Variants in CNTN4 observed in about 807,000 individuals in gnomAD.
CNTN4 encodes the protein contactin-4.
A neutral mutation model predicts 122.5 loss-of-function variants in CNTN4; 77 were observed. That is an observed-to-expected ratio of 0.63 (90% CI 0.52 to 0.76). The LOEUF (loss-of-function observed/expected upper bound fraction) is 0.76, where lower values mean the gene tolerates loss of function less well. CNTN4 is among the 30% of genes least tolerant of loss of function. The pLI, the probability that CNTN4 is intolerant of heterozygous loss-of-function variation, is 0.00. For missense variants in CNTN4, 1,256 were observed against 1,259.1 expected (o/e 1.00, Z 0.04); for synonymous variants, 512 against 447.0 (o/e 1.15, Z -1.83).
chr3:2,483,807 C>CT (rs553088473), intron 3 of CNTN4, among the ~76,000 whole-genome samples: 1 of 152,110 alleles, frequency 6.6e-6, no homozygotes, highest in Admixed American at 6.5e-5. Flanking sequence ...GTCAATTAAA[C>CT]TTTTTTTCTT....
chr3:3,047,228 A>C (rs993893758), intron 23 of CNTN4, among the ~76,000 whole-genome samples: 2 of 152,056 alleles, frequency 1.3e-5, no homozygotes, highest in Admixed American at 1.3e-4. Context: ...CGAGACAGAA[A>C]GTTAACAAGG....
chr3:2,332,074 G>C (rs914547237), intron 2 of CNTN4, among the ~76,000 whole-genome samples: 4 of 152,156 alleles, frequency 2.6e-5, no homozygotes, highest in African/African-American at 9.7e-5. Context: ...CCCCTTTAGA[G>C]TCGATAGGGG....
intron 7 of CNTN4, among the ~76,000 whole-genome samples, chr3:2,846,894 G>A (rs915606625): frequency 2.0e-5 from 3 of 152,162 alleles, no homozygotes; most frequent in Admixed American, 2.0e-4. Context: ...TACTCAGGAA[G>A]GCTGAGGCAG....
intron 2 of CNTN4, among the ~76,000 whole-genome samples, chr3:2,338,026 G>T (rs2044026446): frequency 6.6e-6 from 1 of 152,072 alleles, no homozygotes; most frequent in African/African-American, 2.4e-5. Flanking sequence ...CAAACAGATG[G>T]TGATGTATTT....
At chr3:2,359,864 T>G (rs2045050008) in intron 3 of CNTN4, among the ~76,000 whole-genome samples, 2 of 152,172 alleles carry the variant, frequency 1.3e-5, no homozygotes, top group Non-Finnish European at 2.9e-5. Context: ...TATTCACTAA[T>G]TCCTTCACTT....
chr3:2,785,156 G>T (rs4130673), intron 6 of CNTN4, among the ~76,000 whole-genome samples: 37,117 of 149,714 alleles, frequency 0.25, 4,924 homozygotes, highest in East Asian at 0.54. Flanking sequence ...TAGAGAGAGA[G>T]AGAGAGAGAG....
chr3:2,143,440 TTAGA>T (rs1419064540), intron 2 of CNTN4, among the ~76,000 whole-genome samples: 3 of 152,200 alleles, frequency 2.0e-5, no homozygotes, highest in Non-Finnish European at 2.9e-5. Context: ...CATATTCTCC[TTAGA>T]TAATTAATAA....
chr3:2,589,601 T>C (rs1161912587), intron 4 of CNTN4, among the ~76,000 whole-genome samples: 5 of 152,186 alleles, frequency 3.3e-5, no homozygotes, highest in Non-Finnish European at 5.9e-5. Context: ...AACAAACATT[T>C]ATGACCTCAT....
intron 3 of CNTN4, among the ~76,000 whole-genome samples, chr3:2,400,430 T>TATATATATATATATAC (rs1553640936): frequency 1.5e-5 from 1 of 68,554 alleles, no homozygotes; most frequent in Non-Finnish European, 2.9e-5. Flanking sequence ...TATATATACA[T>TATATATATATATATAC]ATATATATAT....
intron 5 of CNTN4, 100 bp downstream of exon 5, chr3:2,736,441 ATTTAT>A (rs764010494): frequency 1.8e-5 from 12 of 662,544 alleles, no homozygotes; most frequent in South Asian, 8.8e-5. Flanking sequence ...GCTTTTATTT[ATTTAT>A]TTTATTTTAT....
rs746771524 is a variant in CNTN4, at chr3:3,040,137, C to A, written c.2264C>A (p.Ala755Asp). The A allele has an allele frequency of 5.0e-6, 8 of 1,614,018 alleles. 1 individual carries two copies. The African/African-American group carries it at 6.7e-5, about 13-fold the overall frequency. ...TGGATGCTGACAGTGCTGGCCTCAG[C>A]TGATGCCTCTAGATACGTGTTCAGG... ...MIWMLTVLAS[A>D]DASRYVFRNE... Residue 755 changes from alanine to aspartate, a missense_variant, in exon 20 of 25, where the codon GCT becomes GAT. Transcript: ENST00000418658.
intron 4 of CNTN4, among the ~76,000 whole-genome samples, chr3:2,735,248 TG>T (rs1203942579): frequency 6.6e-6 from 1 of 152,228 alleles, no homozygotes; most frequent in African/African-American, 2.4e-5. Context: ...AAAAAGAATT[TG>T]AACTTGATTT....
intron 3 of CNTN4, among the ~76,000 whole-genome samples, chr3:2,532,902 T>C (rs1048669721): frequency 3.3e-5 from 5 of 152,126 alleles, no homozygotes; most frequent in Non-Finnish European, 5.9e-5. Flanking sequence ...TATATTTTAC[T>C]GAAAAACACT....
chr3:2,101,862 G>A (rs556192643), intron 2 of CNTN4, among the ~76,000 whole-genome samples: 1 of 152,262 alleles, frequency 6.6e-6, no homozygotes, highest in African/African-American at 2.4e-5. Context: ...CCTGGGGTGT[G>A]TAGCACACTT....
intron 13 of CNTN4, among the ~76,000 whole-genome samples, chr3:2,984,648 C>T (rs1042865321): frequency 6.6e-6 from 1 of 152,190 alleles, no homozygotes; most frequent in African/African-American, 2.4e-5. Flanking sequence ...TTTCCGTATT[C>T]ATTTCCTTCA....
chr3:2,380,786 G>C (rs986121377), intron 3 of CNTN4, among the ~76,000 whole-genome samples: 1 of 151,852 alleles, frequency 6.6e-6, no homozygotes, highest in Non-Finnish European at 1.5e-5. Flanking sequence ...ATTTGCAAAA[G>C]GGGATGCCTA....
chr3:2,358,121 C>G (rs1225381456), intron 3 of CNTN4, among the ~76,000 whole-genome samples: 1 of 152,132 alleles, frequency 6.6e-6, no homozygotes, highest in African/African-American at 2.4e-5. Context: ...TGATTTCTAA[C>G]AATTTCTTCT....
intron 3 of CNTN4, among the ~76,000 whole-genome samples, chr3:2,436,004 C>T (rs558720139): frequency 1.6e-4 from 25 of 152,252 alleles, no homozygotes; most frequent in African/African-American, 3.6e-4. Context: ...CTATTAGAGG[C>T]AAAAGCTAGA....
chr3:2,299,208 C>T (rs2150056109), intron 2 of CNTN4, among the ~76,000 whole-genome samples: 1 of 152,246 alleles, frequency 6.6e-6, no homozygotes, highest in African/African-American at 2.4e-5. Context: ...GAAAATTAAA[C>T]ACTTGAGCAG....
Sources: gnomAD v4.1 joint callset for allele counts (sites outside exome capture counted in the v4.1 genomes callset) on GRCh38, gnomAD v4.1.1 for gene constraint, MANE v1.5 for transcripts, NCBI Gene and HGNC (gene_info 2026-07-23, HGNC 2026-07-21) for gene names.